Variants in LARGE1 observed in about 807,000 individuals in gnomAD.
The protein encoded by LARGE1 is xylosyl- and glucuronyltransferase LARGE1.
A neutral mutation model predicts 87.6 loss-of-function variants in LARGE1; 43 were observed. The ratio of observed to expected loss-of-function variants is 0.49; its 90% CI spans 0.38 to 0.63. The LOEUF (loss-of-function observed/expected upper bound fraction) is 0.63, where lower values mean the gene tolerates loss of function less well. Ranked by LOEUF, LARGE1 falls within the 30% of genes least tolerant of loss-of-function variation. LARGE1 has a pLI of 0.00. For synonymous variants in LARGE1, 434 were observed against 394.6 expected (o/e 1.10, Z -1.18); for missense variants, 802 against 1,000.2 (o/e 0.80, Z 2.67).
chr22:33,458,548 C>A (rs2068238093), intron 6 of LARGE1, among the ~76,000 whole-genome samples: 3 of 152,134 alleles, frequency 2.0e-5, no homozygotes, highest in Admixed American at 2.0e-4. Flanking sequence ...TCTCCAGCCT[C>A]CTGAGTAGCT....
intron 6 of LARGE1, among the ~76,000 whole-genome samples, chr22:33,439,458 C>A (rs2067390835): frequency 6.6e-6 from 1 of 152,146 alleles, no homozygotes; most frequent in South Asian, 2.1e-4. Context: ...TCGGCGACAT[C>A]TGTCCCTTCG....
chr22:33,480,227 G>A (rs527683550), intron 6 of LARGE1, among the ~76,000 whole-genome samples: 3 of 152,284 alleles, frequency 2.0e-5, no homozygotes, highest in South Asian at 4.1e-4. Flanking sequence ...GCAGGGCTGC[G>A]CCATCCCAGC....
chr22:33,357,665 A>G (rs1315425217), intron 9 of LARGE1, among the ~76,000 whole-genome samples: 1 of 152,074 alleles, frequency 6.6e-6, no homozygotes, highest in African/African-American at 2.4e-5. Flanking sequence ...ATGGTGGCCC[A>G]TGCCTGTAAT....
At chr22:33,614,269 G>A (rs1426983161) in intron 4 of LARGE1, among the ~76,000 whole-genome samples, 3 of 152,166 alleles carry the variant, frequency 2.0e-5, no homozygotes, top group Admixed American at 2.0e-4. Context: ...GGCAGGAAGT[G>A]AGGACTTAGT....
At chr22:33,694,671 T>C (rs1455028909) in intron 2 of LARGE1, among the ~76,000 whole-genome samples, 1 of 152,102 alleles carries the variant, frequency 6.6e-6, no homozygotes, top group Non-Finnish European at 1.5e-5. Flanking sequence ...TTTAGGTAAA[T>C]TCACATACAC....
chr22:33,265,790 C>G (rs917803887), intron 11 of LARGE1, among the ~76,000 whole-genome samples: 3 of 152,178 alleles, frequency 2.0e-5, no homozygotes, highest in Non-Finnish European at 4.4e-5. Flanking sequence ...TGTTAAGGCT[C>G]CATAAATATC....
intron 6 of LARGE1, among the ~76,000 whole-genome samples, chr22:33,475,423 CATATTTATTTAT>C (rs1394822181): frequency 6.7e-4 from 93 of 138,848 alleles, no homozygotes; most frequent in African/African-American, 2.4e-3. Context: ...ATCAGTGAGT[CATATTTATTTAT>C]TTATTTATTT....
chr22:33,500,745 C>T (rs1385408254), intron 6 of LARGE1, among the ~76,000 whole-genome samples: 1 of 152,174 alleles, frequency 6.6e-6, no homozygotes, highest in East Asian at 1.9e-4. Context: ...TAAGGCAGTA[C>T]ACAGGAAGCC....
downstream of LARGE1, among the ~76,000 whole-genome samples, chr22:33,160,447 C>A (rs955959745): frequency 5.3e-5 from 8 of 152,210 alleles, no homozygotes; most frequent in East Asian, 1.5e-3. Context: ...ACCTTGCTGG[C>A]TTTCTATTTC....
rs2079913795 is a variant in LARGE1, at chr22:33,626,147, T to A, written c.491+97A>T. The A allele has an allele frequency of 4.1e-6, 4 of 969,062 alleles. No homozygotes were observed. The East Asian group carries it at 9.6e-5, about 23-fold the overall frequency. 60.0% of individuals were successfully genotyped at this position (969,062 alleles called of 1,614,324 possible). The stretch of plus-strand genomic sequence containing the variant: ...ACATTTTTATGGCAGCTAGAATGAT[T>A]GATGAGAAATTTTGCTCCTATTTAA... On this transcript the variant is annotated intron_variant, in intron 4 of 14. Transcript: ENST00000397394.
intron 2 of LARGE1, chr22:33,744,355 C>G (rs968595088): frequency 6.6e-6 from 1 of 152,130 alleles, no homozygotes; most frequent in Non-Finnish European, 1.5e-5. Flanking sequence ...GGTTTCAAAC[C>G]CTGAGTGTTC....
intron 10 of LARGE1, among the ~76,000 whole-genome samples, chr22:33,321,975 T>C (rs8139051): frequency 0.049 from 7,421 of 152,150 alleles, 324 homozygotes; most frequent in African/African-American, 0.13. Flanking sequence ...CGCACCACCA[T>C]GCCCAGCTAA....
chr22:33,087,946 T>C, the LARGE1 span, among the ~76,000 whole-genome samples: 3 of 152,010 alleles, frequency 2.0e-5, no homozygotes, highest in Non-Finnish European at 4.4e-5. Flanking sequence ...TAAACTAAAA[T>C]AAACTAAAAT....
chr22:33,881,367 G>C (rs1431072611), intron 1 of LARGE1, among the ~76,000 whole-genome samples: 1 of 152,226 alleles, frequency 6.6e-6, no homozygotes, highest in Non-Finnish European at 1.5e-5. Flanking sequence ...TGAGCAGCTG[G>C]AGGACTCAGA....
intron 2 of LARGE1, among the ~76,000 whole-genome samples, chr22:33,661,151 A>G (rs1354611785): frequency 6.6e-6 from 1 of 151,872 alleles, no homozygotes; most frequent in Non-Finnish European, 1.5e-5. Flanking sequence ...TTGTGAATCT[A>G]TACTTGCTGT....
At chr22:33,708,211 T>C (rs1349194183) in intron 2 of LARGE1, among the ~76,000 whole-genome samples, 2 of 151,386 alleles carry the variant, frequency 1.3e-5, no homozygotes, top group Admixed American at 6.6e-5. Flanking sequence ...ACGGACTGAA[T>C]AGAAGTTAGG....
intron 2 of LARGE1, among the ~76,000 whole-genome samples, chr22:33,751,450 G>A (rs1015374071): frequency 4.6e-5 from 7 of 150,942 alleles, no homozygotes; most frequent in Admixed American, 2.0e-4. Flanking sequence ...GTGCCACTGC[G>A]CTCCAGCCTG....
intron 2 of LARGE1, among the ~76,000 whole-genome samples, chr22:33,740,129 G>C (rs2083823884): frequency 6.6e-6 from 1 of 152,092 alleles, no homozygotes; most frequent in Non-Finnish European, 1.5e-5. Context: ...TCGCTTCCTG[G>C]AGAGCCCAAC....
At chr22:33,677,907 A>G (rs1267301179) in intron 2 of LARGE1, among the ~76,000 whole-genome samples, 3 of 152,228 alleles carry the variant, frequency 2.0e-5, no homozygotes, top group Non-Finnish European at 4.4e-5. Flanking sequence ...CTCCAGTACC[A>G]GACATATTTC....
Sources: gnomAD v4.1 joint callset for allele counts (sites outside exome capture counted in the v4.1 genomes callset) on GRCh38, gnomAD v4.1.1 for gene constraint, MANE v1.5 for transcripts, NCBI Gene and HGNC (gene_info 2026-07-23, HGNC 2026-07-21) for gene names.